GLT1D1: variants seen among roughly 807,000 people sequenced by gnomAD.
GLT1D1 encodes the protein glycosyltransferase 1 domain containing 1, also known as glycosyltransferase 1 domain-containing protein 1.
Under a neutral mutation model 28.7 loss-of-function variants are expected in GLT1D1, and 21 were observed. The ratio of observed to expected loss-of-function variants is 0.73; its 90% confidence interval spans 0.52 to 1.05. The LOEUF (loss-of-function observed/expected upper bound fraction) is 1.05, where lower values mean the gene tolerates loss of function less well. Among genes scored for constraint, GLT1D1 ranks in the 50% least tolerant of loss-of-function variants. The pLI is 0.00. For synonymous variants in GLT1D1, 147 were observed against 124.8 expected (o/e 1.18, Z -1.19); for missense variants, 343 against 330.6 (o/e 1.04, Z -0.29).
rs186534957 is a variant in GLT1D1, at chr12:128,928,268, C to T, written c.376-17058C>T. Among the ~76,000 whole-genome samples, 341 of 152,056 alleles carry T rather than the reference C, an allele frequency of 2.2e-3. 5 individuals carry two copies. The highest frequency in any genetic ancestry group is 8.2e-4 in the Non-Finnish European group (56 of 67,994). On this transcript the variant is annotated intron_variant, in intron 4 of 7. Transcript: ENST00000281703. ...TGTGGAAAATGAGTATCTGTAAATC[C>T]GAGAAACACGCTGGGATGGGAGACG...
chr12:128,935,049 T>C (rs866270944), intron 4 of GLT1D1, among the ~76,000 whole-genome samples: 30 of 152,236 alleles, frequency 2.0e-4, no homozygotes, highest in African/African-American at 6.7e-4. Flanking sequence ...GCCTGGGTCA[T>C]AGCCCACCCT....
intron 1 of GLT1D1, among the ~76,000 whole-genome samples, chr12:128,861,520 A>C (rs992689838): frequency 6.6e-6 from 1 of 152,220 alleles, no homozygotes; most frequent in Non-Finnish European, 1.5e-5. Context: ...GGCCCAGAGC[A>C]GGGAAGCCCA....
chr12:128,872,037 C>A (rs905219246), intron 1 of GLT1D1, among the ~76,000 whole-genome samples: 1 of 152,038 alleles, frequency 6.6e-6, no homozygotes, highest in Non-Finnish European at 1.5e-5. Flanking sequence ...CTGCAGTCTC[C>A]GCCTCCCGGG....
At position 128,897,762 on chromosome 12, in the gene GLT1D1, G is replaced by A. The variant is rs554581493; in HGVS notation, c.324-1474G>A. Among the ~76,000 whole-genome samples the A allele has an allele frequency of 4.0e-4, 60 of 151,838 alleles. No homozygotes were observed. The South Asian group carries it at 9.6e-3, about 24-fold the overall frequency. On this transcript the variant is annotated intron_variant, in intron 3 of 7. Transcript: ENST00000281703. ...CGGCTCACTGCAAGCTCCGCCTCCC[G>A]GGTTCACACCATCCTCCTGCCTCAG... is the stretch of plus-strand genomic sequence containing the variant.
intron 4 of GLT1D1, 144 bp from the exon 7 acceptor site, chr12:128,926,215 A>G (rs1243004648): frequency 5.1e-6 from 1 of 196,788 alleles, no homozygotes; most frequent in African/African-American, 2.5e-5. Flanking sequence ...TAATAATAAT[A>G]ATAATAATAA....
chr12:128,864,180 G>GT (rs1295288930), intron 1 of GLT1D1: 3 of 683,578 alleles, frequency 4.4e-6, no homozygotes, highest in South Asian at 3.1e-5. Flanking sequence ...ACGACACACT[G>GT]TAAGTTTTTG....
At chr12:128,892,837 ATAT>A (rs1414663668) in intron 3 of GLT1D1, among the ~76,000 whole-genome samples, 5 of 152,116 alleles carry the variant, frequency 3.3e-5, no homozygotes, top group African/African-American at 1.2e-4. Context: ...TGGCTTATAA[ATAT>A]TATAATGTAA....
intron 1 of GLT1D1, among the ~76,000 whole-genome samples, chr12:128,872,565 G>A (rs900994785): frequency 6.6e-6 from 1 of 152,178 alleles, no homozygotes; most frequent in Non-Finnish European, 1.5e-5. Flanking sequence ...TGCAGGGTGA[G>A]CTGTGTTCTG....
intron 2 of GLT1D1, among the ~76,000 whole-genome samples, chr12:128,886,901 G>T (rs1042346809): frequency 3.3e-5 from 5 of 152,040 alleles, no homozygotes; most frequent in African/African-American, 9.7e-5. Context: ...TCTACTGGGC[G>T]GGCGTTTCTA....
chr12:128,932,469 G>A (rs537593781), intron 4 of GLT1D1, among the ~76,000 whole-genome samples: 5 of 152,324 alleles, frequency 3.3e-5, no homozygotes, highest in Admixed American at 1.3e-4. Flanking sequence ...CTGGTGGGAA[G>A]GACTGTGGTC....
At chr12:128,885,777 G>T (rs567549604) in intron 2 of GLT1D1, among the ~76,000 whole-genome samples, 1 of 152,074 alleles carries the variant, frequency 6.6e-6, no homozygotes, top group South Asian at 2.1e-4. Context: ...AAACAACCTC[G>T]TTGATAGTGT....
intron 6 of GLT1D1, among the ~76,000 whole-genome samples, chr12:128,949,277 A>C (rs1273146049): frequency 6.6e-6 from 1 of 152,190 alleles, no homozygotes; most frequent in Admixed American, 6.5e-5. Context: ...GTCAAACCTC[A>C]TTTACTTCAA....
intron 2 of GLT1D1, among the ~76,000 whole-genome samples, chr12:128,888,435 G>C (rs1868641767): frequency 6.6e-6 from 1 of 152,100 alleles, no homozygotes; most frequent in African/African-American, 2.4e-5. Context: ...CAGTGGTTGG[G>C]GCCTCCCGTG....
At position 128,956,171 on chromosome 12, in the gene GLT1D1, A is replaced by AAAAAAGAG. The variant is rs374597920; in HGVS notation, c.541-1373_541-1372insAAAAGAGA. Among the ~76,000 whole-genome samples the AAAAAAGAG allele has an allele frequency of 1.6e-4, 10 of 63,988 alleles. 2 individuals are homozygous for AAAAAAGAG. The highest frequency in any genetic ancestry group is 4.1e-4 in the East Asian group (1 of 2,448). 42.0% of individuals were successfully genotyped at this position (63,988 alleles called of 152,430 possible). On this transcript the variant is annotated intron_variant, in intron 6 of 7. Transcript: ENST00000281703. The stretch of plus-strand genomic sequence containing the variant: ...GAGACTCCATCTCAAAAAAAAAAAA[A>AAAAAAGAG]AGAGAAAGAGAGAAAGAAAGAAAGA...
At chr12:128,945,259 G>A (rs916603083) in intron 4 of GLT1D1, 67 bp from the exon 9 acceptor site, 75 of 1,533,828 alleles carry the variant, frequency 4.9e-5, no homozygotes, top group East Asian at 2.0e-4. Context: ...GGCCTGGCCC[G>A]TGCTGGCCGG....
intron 7 of GLT1D1, among the ~76,000 whole-genome samples, chr12:128,974,313 T>C (rs565082974): frequency 3.7e-4 from 57 of 152,132 alleles, no homozygotes; most frequent in African/African-American, 1.3e-3. Context: ...TGGCAAGGGC[T>C]CTTGCTCCCT....
intron 4 of GLT1D1, among the ~76,000 whole-genome samples, chr12:128,939,857 C>T (rs957278779): frequency 8.5e-5 from 12 of 141,272 alleles, no homozygotes; most frequent in Non-Finnish European, 1.7e-4. Flanking sequence ...ACCGCCGATC[C>T]AATCACCTCC....
At chr12:128,910,247 G>A (rs866183436) in intron 4 of GLT1D1, among the ~76,000 whole-genome samples, 1 of 146,854 alleles carries the variant, frequency 6.8e-6, no homozygotes, top group Middle Eastern at 3.7e-3. Context: ...TGACAGAGCT[G>A]AGATACAAGT....
intron 4 of GLT1D1, among the ~76,000 whole-genome samples, chr12:128,935,272 C>A (rs1003954082): frequency 6.6e-6 from 1 of 152,078 alleles, no homozygotes; most frequent in African/African-American, 2.4e-5. Context: ...AGTAGCCGGG[C>A]GCGGTGGCTC....
Sources: allele counts gnomAD v4.1 joint callset (sites outside exome capture counted in the v4.1 genomes callset), GRCh38; gene constraint gnomAD v4.1.1; transcripts MANE v1.5; gene names NCBI Gene and HGNC (gene_info 2026-07-23, HGNC 2026-07-21).